Variants in RCOR1 observed in about 807,000 individuals in gnomAD.
RCOR1 encodes REST corepressor 1.
Under a neutral mutation model 64.0 loss-of-function variants are expected in RCOR1, and 12 were observed. The observed-to-expected ratio is 0.19, with a 90% CI of 0.12 to 0.30. The LOEUF (loss-of-function observed/expected upper bound fraction) is 0.30, where lower values mean the gene tolerates loss of function less well. RCOR1 is among the 10% of genes least tolerant of loss of function. The pLI, the probability that RCOR1 is intolerant of heterozygous loss-of-function variation, is 1.00. For synonymous variants in RCOR1, 279 were observed against 227.2 expected, an observed-to-expected ratio of 1.23 and a Z score of -2.05; for missense variants, 502 against 621.2, an observed-to-expected ratio of 0.81 and a Z score of 2.04.
chr14:102,613,723 C>A (rs570957036), intron 2 of RCOR1, among the ~76,000 whole-genome samples: 22 of 140,288 alleles, frequency 1.6e-4, no homozygotes, highest in Admixed American at 4.3e-4. Flanking sequence ...CCCCGCCATC[C>A]TTTTTTTTTT....
At chr14:102,594,675 T>C (rs1463417197) in intron 2 of RCOR1, among the ~76,000 whole-genome samples, 1 of 152,080 alleles carries the variant, frequency 6.6e-6, no homozygotes, top group Non-Finnish European at 1.5e-5. Flanking sequence ...TTTTTTTTTT[T>C]TGGTAGTCAC....
At chr14:102,681,300 C>T (rs1181367325) in intron 2 of RCOR1, among the ~76,000 whole-genome samples, 2 of 152,182 alleles carry the variant, frequency 1.3e-5, no homozygotes, top group South Asian at 2.1e-4. Flanking sequence ...TCCTGTTTCT[C>T]GAGTCTTTGC....
intron 2 of RCOR1, among the ~76,000 whole-genome samples, chr14:102,675,104 G>T (rs1036070271): frequency 6.7e-6 from 1 of 149,232 alleles, no homozygotes; most frequent in Non-Finnish European, 1.5e-5. Flanking sequence ...TGCCTGTGTT[G>T]GCACCTTCAG....
At chr14:102,714,667 A>T (rs1209664172) in intron 8 of RCOR1, 50 bp downstream of exon 8, 1 of 1,406,404 alleles carries the variant, frequency 7.1e-7, no homozygotes, top group Non-Finnish European at 9.7e-7. Context: ...AGCACTTTAG[A>T]GGTGTTTCTG....
intron 2 of RCOR1, among the ~76,000 whole-genome samples, chr14:102,646,845 A>G (rs1284239067): frequency 6.6e-6 from 1 of 152,238 alleles, no homozygotes; most frequent in Non-Finnish European, 1.5e-5. Flanking sequence ...GCTCACACAC[A>G]GTGGGAGAGG....
chr14:102,636,185 G>A (rs563956165), intron 2 of RCOR1, among the ~76,000 whole-genome samples: 10 of 152,006 alleles, frequency 6.6e-5, no homozygotes, highest in Non-Finnish European at 1.2e-4. Context: ...TGATCTGCCC[G>A]CCTTGGCCTC....
intron 4 of RCOR1, among the ~76,000 whole-genome samples, chr14:102,701,996 G>A (rs1484565859): frequency 2.6e-5 from 4 of 152,196 alleles, no homozygotes; most frequent in Non-Finnish European, 5.9e-5. Context: ...TGTTTGGAAT[G>A]TACTAATAAG....
At chr14:102,662,519 C>G (rs1721448033) in intron 2 of RCOR1, 1 of 513,518 alleles carries the variant, frequency 1.9e-6, no homozygotes, top group African/African-American at 1.9e-5. Context: ...CCTGGGGGCG[C>G]TCTTCTGAGG....
Position 102,728,531 on chromosome 14 carries a change from C to G in RCOR1, c.*2025C>G, listed in dbSNP as rs1896314393. 6.6e-6 allele frequency: 1 copy of G among 152,184 alleles called. No homozygotes were observed. Among genetic ancestry groups the G allele is most frequent in the South Asian group, 2.1e-4 (1 of 4,832 alleles). The allele number at this position is 152,184 out of a possible 1,614,324, so 9.4% of individuals were successfully genotyped here. On this transcript the variant is annotated 3_prime_UTR_variant, in exon 12 of 12. Transcript: ENST00000262241. ...AAGACCTCCTTCTTGCTAACAGAAG[C>G]AGTAGGCAATTGCTGCAGTGCGTTT...
chr14:102,650,914 T>C, intron 2 of RCOR1: 1 of 720,790 alleles, frequency 1.4e-6, no homozygotes, highest in South Asian at 6.3e-5. Context: ...TGGTTTGCTC[T>C]TTATTGAATA....
chr14:102,670,608 T>C (rs1218919286), intron 2 of RCOR1, among the ~76,000 whole-genome samples: 2 of 152,186 alleles, frequency 1.3e-5, no homozygotes, highest in African/African-American at 4.8e-5. Context: ...CTTATTGTGC[T>C]ACTCCTGTTT....
At chr14:102,613,425 T>C (rs1266961561) in intron 2 of RCOR1, among the ~76,000 whole-genome samples, 3 of 151,230 alleles carry the variant, frequency 2.0e-5, no homozygotes, top group African/African-American at 2.4e-5. Context: ...TTTAAACATA[T>C]TTATTTATCA....
chr14:102,594,519 T>C (rs2139872337), intron 2 of RCOR1, among the ~76,000 whole-genome samples: 1 of 152,376 alleles, frequency 6.6e-6, no homozygotes, highest in South Asian at 2.1e-4. Flanking sequence ...TTGGACACTC[T>C]GGAAATAAAT....
intron 2 of RCOR1, among the ~76,000 whole-genome samples, chr14:102,660,712 T>A (rs962182677): frequency 6.6e-6 from 1 of 152,218 alleles, no homozygotes; most frequent in Non-Finnish European, 1.5e-5. Flanking sequence ...AAAATAGATG[T>A]GTCTTTTCTG....
At chr14:102,660,264 A>G (rs369360263) in intron 2 of RCOR1, among the ~76,000 whole-genome samples, 19 of 152,332 alleles carry the variant, frequency 1.2e-4, no homozygotes, top group African/African-American at 4.6e-4. Flanking sequence ...TGTGATATAC[A>G]TTATGAGTGA....
chr14:102,601,516 T>A (rs1676855404), intron 2 of RCOR1, among the ~76,000 whole-genome samples: 1 of 152,166 alleles, frequency 6.6e-6, no homozygotes, highest in Admixed American at 6.5e-5. Flanking sequence ...GAAGGAGGTG[T>A]AGGTGGCAAG....
chr14:102,694,107 A>T (rs1425546041), intron 3 of RCOR1, among the ~76,000 whole-genome samples: 2 of 152,120 alleles, frequency 1.3e-5, no homozygotes, highest in African/African-American at 4.8e-5. Context: ...TGAAAAATGC[A>T]CTTTTCATTT....
intron 2 of RCOR1, among the ~76,000 whole-genome samples, chr14:102,600,725 C>T (rs1036725711): frequency 1.3e-5 from 2 of 151,908 alleles, no homozygotes; most frequent in African/African-American, 4.8e-5. Context: ...TGCCCGCCAA[C>T]ACGCCTGGCT....
chr14:102,723,338 T>G (rs937424562), intron 11 of RCOR1, among the ~76,000 whole-genome samples: 8 of 152,330 alleles, frequency 5.3e-5, no homozygotes, highest in South Asian at 4.1e-4. Context: ...GACCTGAGCA[T>G]GGAAGTACCT....
Sources: allele counts gnomAD v4.1 joint callset (sites outside exome capture counted in the v4.1 genomes callset), GRCh38; gene constraint gnomAD v4.1.1; transcripts MANE v1.5; gene names NCBI Gene and HGNC (gene_info 2026-07-23, HGNC 2026-07-21).